Variants in CLINT1 observed in about 807,000 individuals in gnomAD.
CLINT1 encodes clathrin interacting protein localized in the trans-Golgi region.
In CLINT1, 15 loss-of-function variants were observed where a neutral mutation model predicts 70.4. The observed-to-expected ratio is 0.21, with a 90% CI of 0.14 to 0.33. The LOEUF (loss-of-function observed/expected upper bound fraction) is 0.33, where lower values mean the gene tolerates loss of function less well. CLINT1 is among the 10% of genes least tolerant of loss of function. The pLI is 1.00. For synonymous variants in CLINT1, 227 were observed against 254.7 expected (o/e 0.89, Z 1.04); for missense variants, 615 against 778.1 (o/e 0.79, Z 2.49).
intron 5 of CLINT1, 65 bp from the exon 6 acceptor site, chr5:157,809,870 C>T (rs1762502631): frequency 4.9e-6 from 7 of 1,441,784 alleles, no homozygotes; most frequent in South Asian, 1.3e-5. Flanking sequence ...ATCTACAAGT[C>T]CTTATTTCTC....
At chr5:157,829,689 ATTTTTTTT>A (rs3075709) in intron 1 of CLINT1, among the ~76,000 whole-genome samples, 4,831 of 109,244 alleles carry the variant, frequency 0.044, 268 homozygotes, top group African/African-American at 0.15. Context: ...ACACCCAGCT[ATTTTTTTT>A]TTTTTTTTTT....
At chr5:157,856,952 T>C (rs944603864) in intron 1 of CLINT1, among the ~76,000 whole-genome samples, 9 of 152,144 alleles carry the variant, frequency 5.9e-5, no homozygotes, top group African/African-American at 2.2e-4. Flanking sequence ...GGTACAACAA[T>C]AGTAGGAATA....
chr5:157,803,587 T>G (rs1450946379), intron 8 of CLINT1, 63 bp downstream of exon 8: 1 of 1,161,488 alleles, frequency 8.6e-7, no homozygotes, highest in Non-Finnish European at 1.2e-6. Flanking sequence ...TCAATCTATC[T>G]TTTATTTGGC....
chr5:157,788,362 A>G (rs1761791115), intron 11 of CLINT1, among the ~76,000 whole-genome samples: 1 of 152,256 alleles, frequency 6.6e-6, no homozygotes, highest in Non-Finnish European at 1.5e-5. Context: ...AGAACATTCT[A>G]TTAAAAAAAT....
chr5:157,838,549 T>C (rs1763511980), intron 1 of CLINT1, among the ~76,000 whole-genome samples: 1 of 152,232 alleles, frequency 6.6e-6, no homozygotes, highest in Non-Finnish European at 1.5e-5. Flanking sequence ...TTCTACAAAT[T>C]TTGCAAACGT....
intron 1 of CLINT1, among the ~76,000 whole-genome samples, chr5:157,851,570 C>T (rs147373673): frequency 2.8e-4 from 43 of 150,992 alleles, no homozygotes; most frequent in African/African-American, 1.0e-3. Context: ...TGTCTGTCGT[C>T]CCAGCTACTT....
chr5:157,816,587 CA>C, intron 3 of CLINT1, 146 bp downstream of exon 3: 1 of 562,800 alleles, frequency 1.8e-6, no homozygotes, highest in Non-Finnish European at 3.1e-6. Context: ...AAATAGAACA[CA>C]AATAACAAAT....
rs767617456 is a variant in CLINT1, at chr5:157,803,663, G to A, written c.999C>T (p.Thr333=). The change falls in exon 8 of 12, where the codon ACC becomes ACT. Residue 333 remains threonine (T), a synonymous_variant. Transcript: ENST00000411809. ...GTAGAAGCTTACCTGTTGACTGGCT[G>A]GTGCCATCAAACAGATCAACAAGGT... is the stretch of plus-strand genomic sequence containing the variant. ...SGDLVDLFDG[T]SQSTGGSADL... The A allele has an allele frequency of 1.3e-6, 2 of 1,522,938 alleles. No individual in the cohort carries two copies. The highest frequency in any genetic ancestry group is 1.4e-5 in the African/African-American group (1 of 73,486). 94.3% of individuals were successfully genotyped at this position (1,522,938 alleles called of 1,614,324 possible). A position where few individuals can be genotyped will look rare whatever the true frequency, so the allele number is the denominator to read the frequency against.
intron 6 of CLINT1, among the ~76,000 whole-genome samples, chr5:157,807,285 C>T (rs944194180): frequency 4.6e-5 from 7 of 152,168 alleles, no homozygotes; most frequent in Admixed American, 1.3e-4. Flanking sequence ...AGTTCTGATA[C>T]GCATTCAAAA....
intron 10 of CLINT1, 179 bp downstream of exon 10, chr5:157,791,524 T>A (rs1202084233): frequency 1.6e-6 from 1 of 615,278 alleles, no homozygotes; most frequent in African/African-American, 1.8e-5. Flanking sequence ...ATGACTATGC[T>A]AGGGGAGAGT....
chr5:157,793,631 A>G (rs1048875312), intron 9 of CLINT1, among the ~76,000 whole-genome samples: 14 of 152,226 alleles, frequency 9.2e-5, no homozygotes, highest in African/African-American at 3.4e-4. Context: ...CAGGGAAGCT[A>G]TAAAATAAGG....
Position 157,806,001 on chromosome 5 carries a change from C to T in CLINT1, c.807G>A (p.Glu269=). 1 of 1,613,916 alleles carries T rather than the reference C, an allele frequency of 6.2e-7. No homozygotes were observed. The highest frequency in any genetic ancestry group is 2.2e-5 in the East Asian group (1 of 44,878). Residue 269 remains glutamate, a synonymous_variant, in exon 7 of 12, where the codon GAG becomes GAA. Transcript: ENST00000411809. ...TKHIHITQAT[E]TTTTRHKRTA... ...TGCGCTTGTGTCTGGTTGTGGTGGT[C>T]TCTGTGGCCTGTGTGATATGAATAT...
intron 3 of CLINT1, 88 bp from the exon 4 acceptor site, chr5:157,814,381 A>G: frequency 2.2e-6 from 2 of 890,702 alleles, no homozygotes; most frequent in Non-Finnish European, 3.5e-6. Context: ...TTCTAACATT[A>G]GCAAATAAAG....
intron 1 of CLINT1, among the ~76,000 whole-genome samples, chr5:157,854,133 G>A (rs950005353): frequency 1.3e-5 from 2 of 152,122 alleles, no homozygotes; most frequent in African/African-American, 2.4e-5. Context: ...ATTCCAAGAA[G>A]CAAACTGAAC....
chr5:157,810,446 G>C (rs534424171), intron 5 of CLINT1, among the ~76,000 whole-genome samples: 2 of 152,346 alleles, frequency 1.3e-5, no homozygotes, highest in Admixed American at 1.3e-4. Flanking sequence ...CAGGAAGTAT[G>C]CTCAAACAGT....
At chr5:157,831,895 T>C (rs1316015181) in intron 1 of CLINT1, among the ~76,000 whole-genome samples, 1 of 152,104 alleles carries the variant, frequency 6.6e-6, no homozygotes, top group Admixed American at 6.6e-5. Context: ...TTGCACCACG[T>C]TGGCCGGGAT....
chr5:157,838,132 T>G (rs1210687724), intron 1 of CLINT1, among the ~76,000 whole-genome samples: 1 of 150,752 alleles, frequency 6.6e-6, no homozygotes, highest in Non-Finnish European at 1.5e-5. Context: ...GTTTTTTTTT[T>G]TTTTTTGAGA....
chr5:157,851,478 C>T (rs1753573092), intron 1 of CLINT1, among the ~76,000 whole-genome samples: 1 of 152,016 alleles, frequency 6.6e-6, no homozygotes, highest in Non-Finnish European at 1.5e-5. Context: ...TGCTTGAGCT[C>T]AGGAGTTCGA....
intron 1 of CLINT1, among the ~76,000 whole-genome samples, chr5:157,820,711 A>G (rs1762855830): frequency 6.6e-6 from 1 of 152,190 alleles, no homozygotes; most frequent in Non-Finnish European, 1.5e-5. Flanking sequence ...CCTTTTTTAA[A>G]AAAGAAAACA....
Sources: allele counts gnomAD v4.1 joint callset (sites outside exome capture counted in the v4.1 genomes callset), GRCh38; gene constraint gnomAD v4.1.1; transcripts MANE v1.5; gene names NCBI Gene and HGNC (gene_info 2026-07-23, HGNC 2026-07-21).